The following ZNF737 variants were observed in gnomAD, a reference collection of about 807,000 sequenced individuals.
ZNF737 encodes the protein zinc finger protein 102 (Y3).
A neutral mutation model predicts 11.7 loss-of-function variants in ZNF737; 13 were observed. The ratio of observed to expected loss-of-function variants is 1.11; its 90% confidence interval spans 0.73 to 1.77. The LOEUF (loss-of-function observed/expected upper bound fraction) is 1.77. ZNF737 is among the 40% of genes most tolerant of loss of function. The pLI, the probability that ZNF737 is intolerant of heterozygous loss-of-function variation, is 0.00. For missense variants in ZNF737, 636 were observed against 638.0 expected, an observed-to-expected ratio of 1.00 and a Z score of 0.03; for synonymous variants, 217 against 216.2, an observed-to-expected ratio of 1.00 and a Z score of -0.03.
downstream of ZNF737, among the ~76,000 whole-genome samples, chr19:20,532,564 T>C (rs1555753088): frequency 6.7e-6 from 1 of 149,632 alleles, no homozygotes; most frequent in Non-Finnish European, 1.5e-5. Context: ...AGTCAGCTAC[T>C]GAGCTCAGTG....
In ZNF737 at chr19:20,545,851, C is replaced by T; in HGVS notation, c.352G>A (p.Glu118Lys). Residue 118 changes from glutamate to lysine, a missense_variant, in exon 4 of 4, where the codon GAA becomes AAA. Coordinates refer to ENST00000427401, the MANE Select transcript of ZNF737 (RefSeq NM_001159293.2). The stretch of plus-strand genomic sequence containing the variant: ...TGCACCTTACACTCATCTACACTTT[C>T]ACAGCCCTTTTTAAACTGTAAATTG... ...HDNLQFKKGC[E>K]SVDECKVHKR... 4 of 1,613,518 alleles carry T rather than the reference C, an allele frequency of 2.5e-6. No homozygotes were observed. Among genetic ancestry groups the T allele is most frequent in the Non-Finnish European group, 2.5e-6 (3 of 1,179,836 alleles).
chr19:20,554,046 G>A (rs1448611920), intron 1 of ZNF737, among the ~76,000 whole-genome samples: 1 of 152,186 alleles, frequency 6.6e-6, no homozygotes, highest in Non-Finnish European at 1.5e-5. Flanking sequence ...ATCAGTTCAT[G>A]TATTTTTCTA....
chr19:20,535,217 G>T (rs1425457223), downstream of ZNF737, among the ~76,000 whole-genome samples: 1 of 152,116 alleles, frequency 6.6e-6, no homozygotes, highest in African/African-American at 2.4e-5. Flanking sequence ...GGCAGAGTTT[G>T]CAGTGAGCTG....
Position 20,538,737 on chromosome 19 carries a change from A to G in ZNF737, c.*5855T>C, listed in dbSNP as rs1337528377. On this transcript the variant is annotated 3_prime_UTR_variant, in exon 4 of 4. Transcript: ENST00000427401. Reference sequence around the variant, plus strand: ...GAGTGGAGGCACCACACTGCACATCAATGCTTTCCACATGCACCCAATAGA... The same window carrying G: ...GAGTGGAGGCACCACACTGCACATCGATGCTTTCCACATGCACCCAATAGA... The G allele has an allele frequency of 3.0e-6, 3 of 985,266 alleles. No individual in the cohort carries two copies. Among genetic ancestry groups the G allele is most frequent in the Non-Finnish European group, 2.4e-6 (2 of 829,928 alleles). The allele number at this position is 985,266 out of a possible 1,614,324, so 61.0% of individuals were successfully genotyped here.
downstream of ZNF737, among the ~76,000 whole-genome samples, chr19:20,534,971 A>G (rs1967921955): frequency 6.7e-6 from 1 of 150,340 alleles, no homozygotes; most frequent in Non-Finnish European, 1.5e-5. Context: ...AACAGTAAGC[A>G]AAGACAGAGA....
chr19:20,548,091 G>A (rs1268295037), intron 3 of ZNF737, among the ~76,000 whole-genome samples: 3 of 151,888 alleles, frequency 2.0e-5, no homozygotes, highest in South Asian at 2.1e-4. Flanking sequence ...GCAGTGAGCC[G>A]AAATCGTGCC....
chr19:20,558,090 C>T (rs1968955949), intron 1 of ZNF737, among the ~76,000 whole-genome samples: 1 of 151,732 alleles, frequency 6.6e-6, no homozygotes, highest in Non-Finnish European at 1.5e-5. Context: ...GGTGAAACCC[C>T]ATCTCTACTA....
At chr19:20,530,385 G>A in the ZNF737 span, among the ~76,000 whole-genome samples, 6 of 147,898 alleles carry the variant, frequency 4.1e-5, no homozygotes, top group Non-Finnish European at 9.0e-5. Flanking sequence ...CCTCCCGGAC[G>A]GGGCGACTGG....
At chr19:20,547,130 C>G (rs10425370) in intron 3 of ZNF737, among the ~76,000 whole-genome samples, 3,465 of 152,032 alleles carry the variant, frequency 0.023, 138 homozygotes, top group African/African-American at 0.079. Flanking sequence ...GCCTGTAATC[C>G]CAGCACTTTT....
At chr19:20,562,186 G>A (rs531581947) in intron 1 of ZNF737, among the ~76,000 whole-genome samples, 2 of 151,974 alleles carry the variant, frequency 1.3e-5, no homozygotes, top group South Asian at 4.2e-4. Context: ...TTTGTCTTCA[G>A]CGCTCAAAAT....
rs1305131880 is a variant in ZNF737, at chr19:20,541,489, C to T, written c.*3103G>A. The T allele has an allele frequency of 4.9e-6, 4 of 816,314 alleles. No homozygotes were observed. Among genetic ancestry groups the T allele is most frequent in the Non-Finnish European group, 5.9e-6 (4 of 676,148 alleles). 50.6% of individuals were successfully genotyped at this position (816,314 alleles called of 1,614,324 possible). On this transcript the variant is annotated 3_prime_UTR_variant, in exon 4 of 4. Transcript: ENST00000427401. ...TGAGATGGAGACTCACTCTGTCAGC[C>T]AGGCTGGAGTGCAGTGGCATGATCT... is the stretch of plus-strand genomic sequence containing the variant.
At chr19:20,532,078 A>G (rs1380216191), downstream of ZNF737, among the ~76,000 whole-genome samples, 1 of 150,290 alleles carries the variant, frequency 6.7e-6, no homozygotes, top group Admixed American at 6.6e-5. Flanking sequence ...AATAAGCTGA[A>G]AAGAAAGTCA....
At chr19:20,557,986 C>G (rs1968952384) in intron 1 of ZNF737, among the ~76,000 whole-genome samples, 2 of 151,900 alleles carry the variant, frequency 1.3e-5, no homozygotes, top group Admixed American at 6.6e-5. Flanking sequence ...ATTATATGGC[C>G]AGGAGTGGTG....
In ZNF737 at chr19:20,545,720, G is replaced by A. The variant is rs782431335; in HGVS notation, c.483C>T (p.Asn161=). The A allele has an allele frequency of 2.9e-5, 46 of 1,612,728 alleles. 1 individual carries two copies. In the African/African-American group the frequency reaches 5.7e-4, roughly 20 times the overall value. ...VKVIHKFSNS[N]RHKIRHTGKK... is the part of the protein sequence containing the mutation. ...TTCCAGTATGTCTTATCTTATGTCT[G>A]TTTGAATTTGAAAATTTATGAATGA... Residue 161 remains asparagine (N), a synonymous_variant, in exon 4 of 4, where the codon AAC becomes AAT. Coordinates refer to ENST00000427401, the MANE Select transcript of ZNF737 (RefSeq NM_001159293.2).
intron 3 of ZNF737, 76 bp downstream of exon 3, chr19:20,552,399 T>C (rs1968712021): frequency 1.9e-6 from 2 of 1,054,390 alleles, no homozygotes; most frequent in Admixed American, 2.9e-5. Context: ...AATCACACTT[T>C]AAGGACTGGC....
chr19:20,556,012 C>T (rs1968875610), intron 1 of ZNF737, among the ~76,000 whole-genome samples: 1 of 151,992 alleles, frequency 6.6e-6, no homozygotes, highest in Non-Finnish European at 1.5e-5. Flanking sequence ...TCCTTTAAAA[C>T]AGAAGAGGTT....
At position 20,539,480 on chromosome 19, in the gene ZNF737, C is replaced by T. The variant is rs1285801236; in HGVS notation, c.*5112G>A. The T allele has an allele frequency of 3.0e-6, 3 of 985,220 alleles. No individual in the cohort carries two copies. The highest frequency in any genetic ancestry group is 1.7e-5 in the African/African-American group (1 of 57,204). The allele number at this position is 985,220 out of a possible 1,614,324, so 61.0% of individuals were successfully genotyped here. A position where few individuals can be genotyped will look rare whatever the true frequency, so the allele number is the denominator to read the frequency against. On this transcript the variant is annotated 3_prime_UTR_variant, in exon 4 of 4. Coordinates refer to ENST00000427401, the MANE Select transcript of ZNF737 (RefSeq NM_001159293.2). ...CATTTCTGTAAGTACGGCAATTATG[C>T]GAAGCCATTGAAAAAATGTGGTCTT...
downstream of ZNF737, among the ~76,000 whole-genome samples, chr19:20,534,110 T>A (rs1967894866): frequency 1.3e-5 from 2 of 150,112 alleles, no homozygotes; most frequent in Non-Finnish European, 3.0e-5. Flanking sequence ...CCTAATTGGC[T>A]GATTTAAATT....
chr19:20,539,284 C>T lies in ZNF737; in HGVS notation c.*5308G>A, dbSNP rs1555754585. On this transcript the variant is annotated 3_prime_UTR_variant, in exon 4 of 4. Coordinates refer to ENST00000427401, the MANE Select transcript of ZNF737 (RefSeq NM_001159293.2). ...CAGCGTGAGTGACAGAGTGAGAATCCTTCTAAAAAAAAAAAAAAGAAATTC... is the reference window on the plus strand; with the variant it reads ...CAGCGTGAGTGACAGAGTGAGAATCTTTCTAAAAAAAAAAAAAAGAAATTC... 6.3e-6 allele frequency: 6 copies of T among 950,712 alleles called. No homozygotes were observed. Among genetic ancestry groups the T allele is most frequent in the Non-Finnish European group, 7.5e-6 (6 of 799,572 alleles). 58.9% of individuals were successfully genotyped at this position (950,712 alleles called of 1,614,324 possible).
Sources: allele counts gnomAD v4.1 joint callset (sites outside exome capture counted in the v4.1 genomes callset), GRCh38; gene constraint gnomAD v4.1.1; transcripts MANE v1.5; gene names NCBI Gene and HGNC (gene_info 2026-07-23, HGNC 2026-07-21).